The following ZNF536 variants were observed in gnomAD, a reference collection of about 807,000 sequenced individuals.
ZNF536 encodes the protein zinc finger protein 536.
A neutral mutation model predicts 84.5 loss-of-function variants in ZNF536; 13 were observed. The ratio of observed to expected loss-of-function variants is 0.15; its 90% CI spans 0.10 to 0.24. ZNF536 has a LOEUF of 0.24. Ranked by LOEUF, ZNF536 falls within the 10% of genes least tolerant of loss-of-function variation. The pLI is 1.00. For synonymous variants in ZNF536, 811 were observed against 742.5 expected, an observed-to-expected ratio of 1.09 and a Z score of -1.50; for missense variants, 1,536 against 1,747.5, an observed-to-expected ratio of 0.88 and a Z score of 2.16.
intron 1 of ZNF536, among the ~76,000 whole-genome samples, chr19:30,387,760 C>T (rs947001720): frequency 2.8e-4 from 42 of 152,328 alleles, no homozygotes; most frequent in African/African-American, 8.9e-4. Context: ...AGGGCCCTCT[C>T]CACTCCATCG....
intron 2 of ZNF536, among the ~76,000 whole-genome samples, chr19:30,504,957 GA>G (rs55913311): frequency 6.6e-6 from 1 of 151,936 alleles, no homozygotes; most frequent in African/African-American, 2.4e-5. Context: ...AGTAATCAAA[GA>G]AAAAATTCAA....
chr19:30,383,525 A>G (rs1243938025), intron 1 of ZNF536, among the ~76,000 whole-genome samples: 1 of 45,064 alleles, frequency 2.2e-5, no homozygotes, highest in Non-Finnish European at 4.0e-5. Flanking sequence ...CCACGTACAC[A>G]CCTGCATGCC....
At chr19:30,668,830 G>A (rs529549409) in intron 1 of ZNF536, among the ~76,000 whole-genome samples, 27 of 152,296 alleles carry the variant, frequency 1.8e-4, no homozygotes, top group African/African-American at 6.3e-4. Context: ...AGCCAGCTCC[G>A]ATTCCTGAGG....
chr19:30,646,851 A>G (rs535916801), intron 1 of ZNF536, among the ~76,000 whole-genome samples: 1 of 152,128 alleles, frequency 6.6e-6, no homozygotes, highest in African/African-American at 2.4e-5. Context: ...AAGGCTATTG[A>G]TGTTGTATGT....
At position 30,697,841 on chromosome 19, in the gene ZNF536, A is replaced by C. The variant is rs556024545; in HGVS notation, c.170-12916A>C. ...GCCCTCCAGAAGTTTTCGTGTCAAC[A>C]GAAGTTAAGTATTACCTGTTTGGTT... On this transcript the variant is annotated intron_variant, in intron 1 of 1. Coordinates refer to the ZNF536 transcript ENST00000592773. Among the ~76,000 whole-genome samples, 300 of 152,370 alleles carry C rather than the reference A, an allele frequency of 2.0e-3. 2 individuals are homozygous for C. The highest frequency in any genetic ancestry group is 6.9e-3 in the African/African-American group (287 of 41,582).
chr19:30,671,710 C>T (rs935960260), intron 1 of ZNF536, among the ~76,000 whole-genome samples: 1 of 152,136 alleles, frequency 6.6e-6, no homozygotes, highest in East Asian at 1.9e-4. Flanking sequence ...CCTGCGCTAT[C>T]TCAGGAAGCA....
At chr19:30,634,150 C>T (rs542681082) in intron 1 of ZNF536, among the ~76,000 whole-genome samples, 9 of 151,996 alleles carry the variant, frequency 5.9e-5, no homozygotes, top group African/African-American at 2.2e-4. Context: ...AAATGTCTTT[C>T]TCTCCCGCCT....
chr19:30,613,184 T>A (rs2048160433), intron 1 of ZNF536, among the ~76,000 whole-genome samples: 1 of 152,208 alleles, frequency 6.6e-6, no homozygotes, highest in Admixed American at 6.5e-5. Flanking sequence ...GTCACTCGGT[T>A]AAGATAGTGT....
chr19:30,407,529 C>T (rs935946549), intron 1 of ZNF536, among the ~76,000 whole-genome samples: 12 of 151,990 alleles, frequency 7.9e-5, no homozygotes, highest in Middle Eastern at 3.2e-3. Flanking sequence ...CCGCCCCAGA[C>T]GACAGTCACA....
At chr19:30,690,184 A>ACT (rs2051351526) in intron 1 of ZNF536, among the ~76,000 whole-genome samples, 1 of 152,220 alleles carries the variant, frequency 6.6e-6, no homozygotes, top group African/African-American at 2.4e-5. Context: ...CGGCTTTGTT[A>ACT]GGTATCAATG....
chr19:30,501,406 C>A (rs1370528769), intron 2 of ZNF536, among the ~76,000 whole-genome samples: 1 of 152,242 alleles, frequency 6.6e-6, no homozygotes, highest in Non-Finnish European at 1.5e-5. Context: ...AACCACTACA[C>A]AAGCTGTACA....
intron 2 of ZNF536, among the ~76,000 whole-genome samples, chr19:30,312,743 C>T (rs2046547439): frequency 6.6e-6 from 1 of 152,164 alleles, no homozygotes; most frequent in Non-Finnish European, 1.5e-5. Flanking sequence ...GTGTGCTATG[C>T]AGTTGTATAA....
chr19:30,417,930 G>T (rs1441600748), intron 1 of ZNF536, among the ~76,000 whole-genome samples: 2 of 151,914 alleles, frequency 1.3e-5, no homozygotes, highest in African/African-American at 4.8e-5. Context: ...TTTTCTATTA[G>T]TAGAGACAAG....
chr19:30,535,257 G>C (rs112798127), intron 3 of ZNF536, among the ~76,000 whole-genome samples: 2 of 152,154 alleles, frequency 1.3e-5, no homozygotes, highest in Admixed American at 1.3e-4. Flanking sequence ...TAACTGGGTC[G>C]CGTCTGAGCC....
intron 2 of ZNF536, among the ~76,000 whole-genome samples, chr19:30,446,273 AAGAAAGAAAGAAAG>A (rs2052340702): frequency 7.2e-6 from 1 of 137,974 alleles, no homozygotes; most frequent in African/African-American, 2.7e-5. Flanking sequence ...AAAAAAAAAA[AAGAAAGAAAGAAAG>A]AAAGAAAAAA....
intron 2 of ZNF536, among the ~76,000 whole-genome samples, chr19:30,448,857 G>A (rs1014530663): frequency 1.3e-5 from 2 of 152,214 alleles, no homozygotes; most frequent in African/African-American, 4.8e-5. Context: ...TGCTCAGACC[G>A]AGATGAAGAA....
intron 4 of ZNF536, chr19:30,554,087 C>G (rs1157264865): frequency 2.0e-5 from 3 of 147,064 alleles, no homozygotes; most frequent in African/African-American, 5.3e-5. Context: ...ATTGGGACCC[C>G]CCCCCCTCCC....
intron 4 of ZNF536, among the ~76,000 whole-genome samples, chr19:30,550,485 T>C (rs890740130): frequency 4.6e-5 from 7 of 152,082 alleles, no homozygotes; most frequent in African/African-American, 1.4e-4. Flanking sequence ...CAGAGACAAA[T>C]GACCATGATA....
At chr19:30,681,202 C>T (rs558433787) in intron 1 of ZNF536, among the ~76,000 whole-genome samples, 7 of 152,236 alleles carry the variant, frequency 4.6e-5, no homozygotes, top group African/African-American at 1.7e-4. Flanking sequence ...GAATGAGACC[C>T]GTGGAGTGGG....
Sources: gnomAD v4.1 joint callset for allele counts (sites outside exome capture counted in the v4.1 genomes callset) on GRCh38, gnomAD v4.1.1 for gene constraint, MANE v1.5 for transcripts, NCBI Gene and HGNC (gene_info 2026-07-23, HGNC 2026-07-21) for gene names.